RDH10: variants seen among roughly 807,000 people sequenced by gnomAD.
RDH10 encodes the protein retinol dehydrogenase 10 (all-trans).
In RDH10, 12 loss-of-function variants were observed where a neutral mutation model predicts 30.2. The ratio of observed to expected loss-of-function variants is 0.40; its 90% CI spans 0.25 to 0.64. RDH10 has a LOEUF of 0.64. RDH10 is among the 30% of genes least tolerant of loss of function. The pLI, the probability that RDH10 is intolerant of heterozygous loss-of-function variation, is 0.43. For synonymous variants in RDH10, 189 were observed against 172.2 expected (o/e 1.10, Z -0.76); for missense variants, 268 against 445.2 (o/e 0.60, Z 3.58).
At chr8:73,322,369 T>C (rs575831560) in intron 4 of RDH10, 2 of 292,356 alleles carry the variant, frequency 6.8e-6, no homozygotes, top group African/African-American at 4.4e-5. Context: ...CCTTCTCCTC[T>C]TTCTATTGAA....
Position 73,294,637 on chromosome 8 carries a change from C to G in RDH10, c.-653C>G. 3.0e-6 allele frequency: 1 copy of G among 329,532 alleles called. No individual in the cohort carries two copies. The highest frequency in any genetic ancestry group is 5.5e-6 in the Non-Finnish European group (1 of 182,260). 20.4% of individuals were successfully genotyped at this position (329,532 alleles called of 1,614,324 possible). On this transcript the variant is annotated 5_prime_UTR_variant, in exon 1 of 6. Transcript: ENST00000240285. ...CGGAGCGCTCTGACTTGCAAGCGGG[C>G]TGCGCTGCGGAGCCCAGTGCCCGAG...
intron 1 of RDH10, among the ~76,000 whole-genome samples, chr8:73,296,064 A>G (rs757164073): frequency 2.4e-4 from 36 of 152,156 alleles, no homozygotes; most frequent in Non-Finnish European, 4.9e-4. Flanking sequence ...ACATAATTAC[A>G]TTGTTTCGCC....
chr8:73,300,237 T>G (rs1205613711), intron 2 of RDH10: 2 of 152,234 alleles, frequency 1.3e-5, no homozygotes, highest in Non-Finnish European at 2.9e-5. Context: ...TTTACAAATC[T>G]TTTGAGAAGT....
rs1814244925 is a variant in RDH10, at chr8:73,295,500, C to G, written c.211C>G (p.Gln71Glu). ...GCTGGTGCTGTGGGACATCAACACG[C>G]AAAGCAACGAGGAGACGGCTGGCAT... ...ALLVLWDINT[Q>E]SNEETAGMVR... The change falls in exon 1 of 6, where the codon CAA (glutamine) becomes GAA (glutamate). Residue 71 changes from glutamine (Q) to glutamate (E), a missense_variant. This residue lies in a region of RDH10 where 42 missense variants were observed against 77.6 expected (regional missense o/e 0.54). Transcript: ENST00000240285. 1.3e-6 allele frequency: 2 copies of G among 1,556,512 alleles called. No homozygotes were observed. Among genetic ancestry groups the G allele is most frequent in the Admixed American group, 3.8e-5 (2 of 52,064 alleles).
chr8:73,301,453 AG>A (rs1011194753), intron 2 of RDH10, among the ~76,000 whole-genome samples: 9 of 151,928 alleles, frequency 5.9e-5, no homozygotes, highest in Non-Finnish European at 8.8e-5. Context: ...TATGTTCTGA[AG>A]TTTTAAAAGG....
chr8:73,300,390 A>G (rs572049910), intron 2 of RDH10: 32 of 152,314 alleles, frequency 2.1e-4, no homozygotes, highest in African/African-American at 7.0e-4. Flanking sequence ...GTTGGTGGCA[A>G]CTTTTCAAAG....
chr8:73,322,599 C>T, intron 4 of RDH10, 80 bp from the exon 5 acceptor site: 1 of 1,155,694 alleles, frequency 8.7e-7, no homozygotes, highest in East Asian at 2.4e-5. Flanking sequence ...GATAACATCA[C>T]TGTTAATGTT....
At position 73,295,451 on chromosome 8, in the gene RDH10, G is replaced by A. The variant is rs781002728; in HGVS notation, c.162G>A (p.Leu54=). The A allele has an allele frequency of 1.4e-5, 22 of 1,551,024 alleles. No homozygotes were observed. The South Asian group carries it at 2.4e-4, about 17-fold the overall frequency. ...GCGGCCTGGGCCGCCTCTTCGCGCT[G>A]GAGTTCGCCCGGCGTCGGGCGCTGC... is the stretch of plus-strand genomic sequence containing the variant. ...AGSGLGRLFA[L]EFARRRALLV... Residue 54 remains leucine (L), a synonymous_variant, in exon 1 of 6, where the codon CTG becomes CTA. Coordinates refer to ENST00000240285, the MANE Select transcript of RDH10 (RefSeq NM_172037.5).
At chr8:73,317,467 G>A (rs1239361451) in intron 2 of RDH10, among the ~76,000 whole-genome samples, 2 of 147,536 alleles carry the variant, frequency 1.4e-5, no homozygotes, top group Non-Finnish European at 3.0e-5. Flanking sequence ...ACTCAAACAG[G>A]GTGTGAGTTG....
chr8:73,323,246 G>A lies in RDH10; in HGVS notation c.*210G>A, dbSNP rs1445125848. On this transcript the variant is annotated 3_prime_UTR_variant, in exon 6 of 6. Coordinates refer to ENST00000240285, the MANE Select transcript of RDH10 (RefSeq NM_172037.5). Reference sequence around the variant, plus strand: ...AGTGAACTTAGGTTGTTGCCAACAGGGTCCTTTTAGGCAGAACCCAGAAAC... The same window carrying A: ...AGTGAACTTAGGTTGTTGCCAACAGAGTCCTTTTAGGCAGAACCCAGAAAC... 1 of 434,474 alleles carries A rather than the reference G, an allele frequency of 2.3e-6. No homozygotes were observed. Among genetic ancestry groups the A allele is most frequent in the African/African-American group, 2.0e-5 (1 of 50,600 alleles). 26.9% of individuals were successfully genotyped at this position (434,474 alleles called of 1,614,324 possible).
At chr8:73,302,975 T>C (rs891202763) in intron 2 of RDH10, among the ~76,000 whole-genome samples, 1 of 152,150 alleles carries the variant, frequency 6.6e-6, no homozygotes, top group African/African-American at 2.4e-5. Flanking sequence ...CTGAAGAATT[T>C]TTGCATGGTA....
chr8:73,323,106 C>A lies in RDH10; in HGVS notation c.*70C>A. ...GATGTTTCAGTCCAGTGCACATCAG[C>A]ATTGCTGACATTTTATGGATTCTAA... On this transcript the variant is annotated 3_prime_UTR_variant, in exon 6 of 6. Coordinates refer to ENST00000240285, the MANE Select transcript of RDH10 (RefSeq NM_172037.5). 8.5e-7 allele frequency: 1 copy of A among 1,179,652 alleles called. No homozygotes were observed. Among genetic ancestry groups the A allele is most frequent in the Non-Finnish European group, 1.3e-6 (1 of 799,236 alleles). The allele number at this position is 1,179,652 out of a possible 1,614,324, so 73.1% of individuals were successfully genotyped here.
intron 1 of RDH10, among the ~76,000 whole-genome samples, chr8:73,296,826 C>T (rs1249516659): frequency 1.3e-5 from 2 of 151,942 alleles, no homozygotes; most frequent in Non-Finnish European, 2.9e-5. Flanking sequence ...ACTGTTTCCC[C>T]AAAAAAAGAG....
chr8:73,319,222 G>A (rs367994173), intron 3 of RDH10, 28 bp downstream of exon 3: 103 of 1,467,654 alleles, frequency 7.0e-5, no homozygotes, highest in East Asian at 1.6e-4. Flanking sequence ...CATTTCTTTC[G>A]TTCAATCTGT....
intron 2 of RDH10, 135 bp from the exon 3 acceptor site, chr8:73,318,961 A>G: frequency 1.7e-6 from 1 of 604,594 alleles, no homozygotes; most frequent in South Asian, 2.2e-5. Context: ...GATCTTTTTG[A>G]TAAATATAAA....
At chr8:73,317,338 A>G (rs1446115392) in intron 2 of RDH10, among the ~76,000 whole-genome samples, 1 of 152,208 alleles carries the variant, frequency 6.6e-6, no homozygotes, top group Admixed American at 6.5e-5. Flanking sequence ...GACTATATAA[A>G]TATGTGATGA....
At chr8:73,317,266 T>C (rs1299747651) in intron 2 of RDH10, among the ~76,000 whole-genome samples, 3 of 152,220 alleles carry the variant, frequency 2.0e-5, no homozygotes, top group Non-Finnish European at 4.4e-5. Context: ...ACACCCTAAC[T>C]ACCTTCAGTA....
At chr8:73,315,459 G>C in intron 2 of RDH10, 1 of 348,220 alleles carries the variant, frequency 2.9e-6, no homozygotes, top group South Asian at 2.3e-5. Flanking sequence ...AATACCACCA[G>C]ATTCATTTCA....
chr8:73,314,516 G>C (rs374355928), intron 2 of RDH10, among the ~76,000 whole-genome samples: 1 of 152,218 alleles, frequency 6.6e-6, no homozygotes, highest in Non-Finnish European at 1.5e-5. Flanking sequence ...GCTCAGTCAC[G>C]TGTACTGGGC....
Sources: gnomAD v4.1 joint callset for allele counts (sites outside exome capture counted in the v4.1 genomes callset) on GRCh38, gnomAD v4.1.1 for gene constraint, gnomAD v4.1.1 regional missense constraint, MANE v1.5 for transcripts, NCBI Gene and HGNC (gene_info 2026-07-23, HGNC 2026-07-21) for gene names.